RANBP2: variants seen among roughly 807,000 people sequenced by gnomAD.
RANBP2 encodes the protein E3 SUMO-protein ligase RanBP2.
In RANBP2, 57 loss-of-function variants were observed where a neutral mutation model predicts 303.6. The ratio of observed to expected loss-of-function variants is 0.19; its 90% confidence interval spans 0.15 to 0.23. The LOEUF is 0.23. Among genes scored for constraint, RANBP2 ranks in the 10% least tolerant of loss-of-function variants. The probability of loss-of-function intolerance (pLI) is 1.00; values close to 1 mark genes in which losing one functional copy is unlikely to be tolerated. For missense variants in RANBP2, 3,138 were observed against 3,780.8 expected, an observed-to-expected ratio of 0.83 and a Z score of 4.46; for synonymous variants, 1,167 against 1,301.5, an observed-to-expected ratio of 0.90 and a Z score of 2.23.
chr2:109,566,033 A>G, the RANBP2 span, among the ~76,000 whole-genome samples: 5 of 152,214 alleles, frequency 3.3e-5, no homozygotes, highest in Non-Finnish European at 7.3e-5. Context: ...CTGTTCTACA[A>G]GAGTCATCTT....
chr2:109,078,263 A>ATAGC, the RANBP2 span, among the ~76,000 whole-genome samples: 1 of 44,616 alleles, frequency 2.2e-5, no homozygotes, highest in African/African-American at 1.1e-4. Context: ...ATATATATAT[A>ATAGC]GCGCGTATAT....
In RANBP2 at chr2:108,731,402, T is replaced by A. The variant is rs1193146457; in HGVS notation, c.333T>A (p.Asp111Glu). The A allele has an allele frequency of 2.9e-5, 46 of 1,611,570 alleles. No individual in the cohort carries two copies. The highest frequency in any genetic ancestry group is 3.9e-5 in the Non-Finnish European group (46 of 1,179,594). ...TGCTTTGTAAAAATGATGTTACTGA[T>A]GGAAGAGCAAAATACTGGCTTGAAA... ...AELLCKNDVTDGRAKYWLERA... is the reference protein window; with the variant it reads ...AELLCKNDVTEGRAKYWLERA... Residue 111 changes from aspartate (D) to glutamate (E), a missense_variant, in exon 4 of 29, where the codon GAT becomes GAA. By Grantham distance (45) the Asp-to-Glu change is conservative. Transcript: ENST00000283195.
chr2:109,036,920 G>C, the RANBP2 span, among the ~76,000 whole-genome samples: 12 of 152,266 alleles, frequency 7.9e-5, no homozygotes, highest in Non-Finnish European at 1.5e-4. Context: ...GAGGTGGGCA[G>C]ATCACTTGAG....
chr2:109,683,268 A>T, the RANBP2 span, among the ~76,000 whole-genome samples: 1 of 152,124 alleles, frequency 6.6e-6, no homozygotes, highest in East Asian at 1.9e-4. Flanking sequence ...GGCCTCCCAA[A>T]GTGCTCGGAT....
the RANBP2 span, among the ~76,000 whole-genome samples, chr2:109,081,360 AG>A: frequency 1.3e-5 from 2 of 152,260 alleles, no homozygotes; most frequent in Admixed American, 1.3e-4. Context: ...AGATGGGGGC[AG>A]CCCCCCATGC....
the RANBP2 span, among the ~76,000 whole-genome samples, chr2:109,043,717 A>G: frequency 6.6e-6 from 1 of 152,256 alleles, no homozygotes; most frequent in Non-Finnish European, 1.5e-5. Flanking sequence ...TCAGGAGACA[A>G]AAATGAATGG....
chr2:109,507,588 A>C, the RANBP2 span, among the ~76,000 whole-genome samples: 1 of 152,170 alleles, frequency 6.6e-6, no homozygotes. Flanking sequence ...TGTGCTACCC[A>C]GCCTGTGGCT....
At chr2:109,659,742 G>A in the RANBP2 span, among the ~76,000 whole-genome samples, 10 of 152,218 alleles carry the variant, frequency 6.6e-5, no homozygotes, top group Admixed American at 5.9e-4. Context: ...CCGCGGGGCC[G>A]GGAGCCCTGA....
At chr2:108,724,267 A>G (rs1484969624) in intron 1 of RANBP2, among the ~76,000 whole-genome samples, 2 of 152,108 alleles carry the variant, frequency 1.3e-5, no homozygotes, top group Non-Finnish European at 2.9e-5. Context: ...GGTTCAAGCG[A>G]TTCTCCTGCC....
At chr2:108,783,290 C>T (rs923484941) in intron 28 of RANBP2, among the ~76,000 whole-genome samples, 32 of 138,610 alleles carry the variant, frequency 2.3e-4, no homozygotes, top group African/African-American at 8.7e-4. Flanking sequence ...AGGTTTGCAC[C>T]ACTGCACTCC....
chr2:109,377,225 G>T, the RANBP2 span, among the ~76,000 whole-genome samples: 2 of 152,208 alleles, frequency 1.3e-5, no homozygotes, highest in South Asian at 2.1e-4. Context: ...TGGCTAATAA[G>T]AAGTGTGAAG....
At chr2:109,143,376 G>A in the RANBP2 span, among the ~76,000 whole-genome samples, 2 of 152,162 alleles carry the variant, frequency 1.3e-5, no homozygotes, top group Non-Finnish European at 2.9e-5. Context: ...GCAATCTCAT[G>A]TTCATTTCAG....
the RANBP2 span, among the ~76,000 whole-genome samples, chr2:109,693,811 A>G: frequency 6.6e-6 from 1 of 152,272 alleles, no homozygotes; most frequent in East Asian, 1.9e-4. Flanking sequence ...TATAAAACCA[A>G]ACTGTGTTCT....
chr2:109,614,177 G>C, the RANBP2 span: 1 of 1,169,842 alleles, frequency 8.5e-7, no homozygotes, highest in Non-Finnish European at 1.1e-6. Flanking sequence ...CTGCGGAGCA[G>C]TGATTGCGGC....
chr2:109,616,310 G>A, the RANBP2 span: 4 of 380,278 alleles, frequency 1.1e-5, no homozygotes, highest in Admixed American at 9.1e-5. Flanking sequence ...CCTGGAGTCC[G>A]TTTCTGGAGA....
chr2:109,063,454 A>G, the RANBP2 span, among the ~76,000 whole-genome samples: 1 of 152,284 alleles, frequency 6.6e-6, no homozygotes, highest in African/African-American at 2.4e-5. Context: ...ATGCAGCTTC[A>G]GAAACGAGCG....
At chr2:109,565,614 G>T in the RANBP2 span, 12 of 675,308 alleles carry the variant, frequency 1.8e-5, no homozygotes, top group Non-Finnish European at 2.6e-5. Context: ...GCTCTACACG[G>T]CCTCCAGACT....
At chr2:108,947,898 T>C in the RANBP2 span, among the ~76,000 whole-genome samples, 5 of 152,248 alleles carry the variant, frequency 3.3e-5, no homozygotes, top group African/African-American at 1.2e-4. Flanking sequence ...TTTGAATTCC[T>C]CCCCAGAAAA....
At chr2:108,850,332 C>G in the RANBP2 span, among the ~76,000 whole-genome samples, 1 of 152,126 alleles carries the variant, frequency 6.6e-6, no homozygotes, top group Non-Finnish European at 1.5e-5. Context: ...GGATACTACA[C>G]ATAATATTAA....
Sources: allele counts gnomAD v4.1 joint callset (sites outside exome capture counted in the v4.1 genomes callset), GRCh38; gene constraint gnomAD v4.1.1; transcripts MANE v1.5; gene names NCBI Gene and HGNC (gene_info 2026-07-23, HGNC 2026-07-21).